Variants in YEATS2 observed in about 807,000 individuals in gnomAD.
YEATS2 encodes YEATS domain containing 2, also known as YEATS domain-containing protein 2.
YEATS2 carries 77 observed loss-of-function variants against 163.2 expected under a neutral mutation model. That is an observed-to-expected ratio of 0.47 (90% CI 0.39 to 0.57). The LOEUF is 0.57. Ranked by LOEUF, YEATS2 falls within the 20% of genes least tolerant of loss-of-function variation. The pLI, the probability that YEATS2 is intolerant of heterozygous loss-of-function variation, is 0.00. For missense variants in YEATS2, 1,549 were observed against 1,729.8 expected (o/e 0.90, Z 1.85); for synonymous variants, 631 against 645.1 (o/e 0.98, Z 0.33).
chr3:183,762,528 G>A (rs1187794466), intron 15 of YEATS2, among the ~76,000 whole-genome samples: 2 of 152,182 alleles, frequency 1.3e-5, no homozygotes, highest in African/African-American at 2.4e-5. Context: ...GAACACTGCT[G>A]TCTCTGGCAG....
intron 8 of YEATS2, among the ~76,000 whole-genome samples, chr3:183,741,963 C>G (rs1719021305): frequency 6.6e-6 from 1 of 151,584 alleles, no homozygotes; most frequent in Non-Finnish European, 1.5e-5. Context: ...AATCCCAGCC[C>G]TTTGGGAGGC....
chr3:183,770,387 AAAAAC>A (rs1426496369), intron 15 of YEATS2, among the ~76,000 whole-genome samples: 4 of 152,192 alleles, frequency 2.6e-5, no homozygotes, highest in Admixed American at 2.6e-4. Flanking sequence ...AAAAAAAACA[AAAAAC>A]AAAAAAACAA....
chr3:183,799,640 G>A lies in YEATS2; in HGVS notation c.3325+651G>A, dbSNP rs4912509. On this transcript the variant is annotated intron_variant, in intron 23 of 30. Transcript: ENST00000305135. The stretch of plus-strand genomic sequence containing the variant: ...ATAGCACGGTGGATTAGAGCAACAC[G>A]TGTGACATTGATAACACCAGTGTCC... Among the ~76,000 whole-genome samples the A allele has an allele frequency of 0.011, 1,636 of 152,178 alleles. 64 individuals carry two copies. In the East Asian group the frequency reaches 0.14, roughly 13 times the overall value.
At chr3:183,778,158 A>C (rs897601171) in intron 19 of YEATS2, among the ~76,000 whole-genome samples, 2 of 151,818 alleles carry the variant, frequency 1.3e-5, no homozygotes, top group Non-Finnish European at 2.9e-5. Flanking sequence ...AACAATAAAA[A>C]ATATAGAAAA....
chr3:183,729,625 TTA>T (rs1717499767), intron 7 of YEATS2, among the ~76,000 whole-genome samples: 2 of 152,214 alleles, frequency 1.3e-5, no homozygotes, highest in East Asian at 3.9e-4. Flanking sequence ...GATGGAATGA[TTA>T]TATATATTGT....
At chr3:183,712,714 C>T (rs897968712) in intron 1 of YEATS2, among the ~76,000 whole-genome samples, 2 of 151,960 alleles carry the variant, frequency 1.3e-5, no homozygotes, top group African/African-American at 2.4e-5. Flanking sequence ...AGGGAGCCAC[C>T]AGCCACAAGT....
At chr3:183,701,043 A>G (rs923666573) in intron 1 of YEATS2, among the ~76,000 whole-genome samples, 14 of 145,044 alleles carry the variant, frequency 9.7e-5, no homozygotes, top group African/African-American at 3.1e-4. Context: ...TGGTGTGTGT[A>G]TATATATATG....
chr3:183,791,847 C>T (rs1724686745), intron 21 of YEATS2, among the ~76,000 whole-genome samples: 1 of 152,140 alleles, frequency 6.6e-6, no homozygotes, highest in Non-Finnish European at 1.5e-5. Flanking sequence ...CCTTTTGTTT[C>T]TGAGTAACAG....
intron 18 of YEATS2, among the ~76,000 whole-genome samples, 200 bp downstream of exon 18, chr3:183,776,323 C>T (rs1286780965): frequency 6.6e-6 from 1 of 151,970 alleles, no homozygotes; most frequent in African/African-American, 2.4e-5. Flanking sequence ...GTGGGTGGAT[C>T]GCTTGAGCCC....
chr3:183,702,232 G>A (rs535744829), intron 1 of YEATS2, among the ~76,000 whole-genome samples: 1 of 152,242 alleles, frequency 6.6e-6, no homozygotes, highest in African/African-American at 2.4e-5. Context: ...ATCATTTGAG[G>A]TCAAGCGTTC....
intron 23 of YEATS2, among the ~76,000 whole-genome samples, chr3:183,799,764 G>A (rs1005387090): frequency 1.3e-5 from 2 of 151,880 alleles, no homozygotes; most frequent in Non-Finnish European, 2.9e-5. Context: ...ATATTGAAAC[G>A]GTCCCAGTAT....
chr3:183,776,094 A>G lies in YEATS2; in HGVS notation c.2548A>G (p.Thr850Ala). The change falls in exon 18 of 31, where the codon ACA (threonine) becomes GCA (alanine). Residue 850 changes from threonine (T) to alanine (A), a missense_variant. Coordinates refer to ENST00000305135, the MANE Select transcript of YEATS2 (RefSeq NM_018023.5). ...AGGGATATCTCAGCACCTGACTTAC[A>G]CATCTTACATCCTCAAGCAAACTCC... Reference protein sequence around the residue: ...PGGISQHLTYTSYILKQTPQG... With the variant: ...PGGISQHLTYASYILKQTPQG... The G allele has an allele frequency of 6.3e-7, 1 of 1,596,284 alleles. No individual in the cohort carries two copies. Among genetic ancestry groups the G allele is most frequent in the Non-Finnish European group, 8.5e-7 (1 of 1,171,582 alleles).
chr3:183,747,574 G>A, intron 8 of YEATS2, 98 bp from the exon 9 acceptor site: 1 of 943,922 alleles, frequency 1.1e-6, no homozygotes, highest in Non-Finnish European at 1.6e-6. Flanking sequence ...CCTATGGTAT[G>A]AAGACTTGCA....
intron 1 of YEATS2, among the ~76,000 whole-genome samples, chr3:183,712,180 T>A (rs1310982043): frequency 6.8e-6 from 1 of 146,496 alleles, no homozygotes; most frequent in African/African-American, 2.6e-5. Context: ...AGTTAGCATT[T>A]TATGTTCTTT....
At position 183,810,461 on chromosome 3, in the gene YEATS2, G is replaced by C. The variant is rs370071293; in HGVS notation, c.4161-14G>C. On this transcript the variant is annotated splice_polypyrimidine_tract_variant and intron_variant, in intron 30 of 30. Coordinates refer to ENST00000305135, the MANE Select transcript of YEATS2 (RefSeq NM_018023.5). Reference sequence around the variant, plus strand: ...AGAATTTCACCTGGTAACACCCTTTGTTTTTTGGACCAGGATTCCCAAAGA... The same window carrying C: ...AGAATTTCACCTGGTAACACCCTTTCTTTTTTGGACCAGGATTCCCAAAGA... The C allele has an allele frequency of 6.2e-7, 1 of 1,608,054 alleles. No individual in the cohort carries two copies. Among genetic ancestry groups the C allele is most frequent in the East Asian group, 2.2e-5 (1 of 44,816 alleles).
At chr3:183,807,227 G>A (rs549124887) in intron 28 of YEATS2, 135 bp downstream of exon 28, 26 of 782,186 alleles carry the variant, frequency 3.3e-5, no homozygotes, top group East Asian at 1.9e-4. Context: ...TTCTGGTGCC[G>A]TAGATGCTTG....
chr3:183,772,338 T>G lies in YEATS2; in HGVS notation c.1981T>G (p.Ser661Ala). The change falls in exon 16 of 31, where the codon TCA becomes GCA. Residue 661 changes from serine to alanine, a missense_variant. Ser to Ala is a moderately conservative substitution (Grantham distance 99). Transcript: ENST00000305135. ...GGTACCAGTTGGGTCTGCTTTACCT[T>G]CAACAGTGAAGCAGGCTGTGGCGAT... ...VGVPVGSALP[S>A]TVKQAVAISG... The G allele has an allele frequency of 6.2e-7, 1 of 1,614,154 alleles. No homozygotes were observed. The highest frequency in any genetic ancestry group is 1.1e-5 in the South Asian group (1 of 91,084).
At chr3:183,799,460 A>G (rs1444586802) in intron 23 of YEATS2, among the ~76,000 whole-genome samples, 1 of 152,188 alleles carries the variant, frequency 6.6e-6, no homozygotes, top group Non-Finnish European at 1.5e-5. Context: ...TTAAGGGCAC[A>G]GGAGAGACAG....
intron 25 of YEATS2, 151 bp downstream of exon 25, chr3:183,801,679 G>T (rs16858123): frequency 1.5e-5 from 8 of 536,436 alleles, no homozygotes; most frequent in South Asian, 3.3e-5. Flanking sequence ...CATTTGCAAG[G>T]GTTTTAGAAT....
Sources: allele counts gnomAD v4.1 joint callset (sites outside exome capture counted in the v4.1 genomes callset), GRCh38; gene constraint gnomAD v4.1.1; transcripts MANE v1.5; gene names NCBI Gene and HGNC (gene_info 2026-07-23, HGNC 2026-07-21).